FBXL14: variants seen among roughly 807,000 people sequenced by gnomAD.
The protein encoded by FBXL14 is F-box and leucine rich repeat protein 14, also known as F-box/LRR-repeat protein 14.
A neutral mutation model predicts 24.5 loss-of-function variants in FBXL14; 11 were observed. That is an observed-to-expected ratio of 0.45 (90% CI 0.28 to 0.74). The LOEUF is 0.74. FBXL14 is among the 30% of genes least tolerant of loss of function. The pLI is 0.12. For missense variants in FBXL14, 384 were observed against 545.6 expected, an observed-to-expected ratio of 0.70 and a Z score of 2.95; for synonymous variants, 294 against 240.4, an observed-to-expected ratio of 1.22 and a Z score of -2.06.
chr12:1,569,397 C>CT lies in FBXL14; in HGVS notation c.1195-2588dup, dbSNP rs35122636. On this transcript the variant is annotated intron_variant, in intron 1 of 1. Coordinates refer to ENST00000339235, the MANE Select transcript of FBXL14 (RefSeq NM_152441.3). This position sits in a 1 kb window ranked among gnomAD's most constrained non-coding sequence, Gnocchi z 4.2. The stretch of plus-strand genomic sequence containing the variant: ...ATGCTAAATAAGAAACCACTTCGTT[C>CT]TTTTTTTTTTTTTTTTTGTCTGAGA... 0.02 allele frequency among the ~76,000 whole-genome samples: 2,750 copies of CT among 134,912 alleles called. 78 individuals carry two copies. Among genetic ancestry groups the CT allele is most frequent in the African/African-American group, 0.062 (2,285 of 36,690 alleles). 88.5% of individuals were successfully genotyped at this position (134,912 alleles called of 152,430 possible).
chr12:1,594,052 G>C lies in FBXL14; in HGVS notation c.15C>G (p.Ile5Met). The change falls in exon 1 of 2, where the codon ATC becomes ATG. Residue 5 changes from isoleucine (I) to methionine (M), a missense_variant. Transcript: ENST00000339235. METH[I>M]SCLFPELLAM... is the part of the protein sequence containing the mutation. ...CCAGCAGCTCCGGGAACAGGCATGAGATGTGGGTCTCCATCTTCCTCCTCC... is the reference window on the plus strand; with the variant it reads ...CCAGCAGCTCCGGGAACAGGCATGACATGTGGGTCTCCATCTTCCTCCTCC... The C allele has an allele frequency of 6.6e-7, 1 of 1,512,860 alleles. No homozygotes were observed. The highest frequency in any genetic ancestry group is 8.8e-7 in the Non-Finnish European group (1 of 1,139,346). 93.7% of individuals were successfully genotyped at this position (1,512,860 alleles called of 1,614,324 possible). A position where few individuals can be genotyped will look rare whatever the true frequency, so the allele number is the denominator to read the frequency against.
intron 1 of FBXL14, among the ~76,000 whole-genome samples, chr12:1,582,206 A>G (rs2094467825): frequency 6.6e-6 from 1 of 151,904 alleles, no homozygotes; most frequent in African/African-American, 2.4e-5. Flanking sequence ...GGAAGAAAGA[A>G]AGAGAAAGAA....
intron 1 of FBXL14, among the ~76,000 whole-genome samples, chr12:1,577,010 G>A (rs555733429): frequency 2.6e-4 from 39 of 152,282 alleles, no homozygotes; most frequent in African/African-American, 8.4e-4. Flanking sequence ...TCTTAAAGTC[G>A]TCTTAGCTGT....
intron 1 of FBXL14, among the ~76,000 whole-genome samples, chr12:1,591,731 C>T (rs11061870): frequency 4.6e-5 from 7 of 152,206 alleles, no homozygotes; most frequent in African/African-American, 1.4e-4. Context: ...AAGATATGAG[C>T]TTCATCACAG....
intron 1 of FBXL14, among the ~76,000 whole-genome samples, chr12:1,591,460 T>C (rs1487048493): frequency 1.3e-5 from 2 of 152,116 alleles, no homozygotes; most frequent in Non-Finnish European, 2.9e-5. Context: ...TTTGTTATTA[T>C]TTATACAAAT....
intron 1 of FBXL14, among the ~76,000 whole-genome samples, chr12:1,578,798 C>G (rs776510833): frequency 6.6e-6 from 1 of 152,088 alleles, no homozygotes; most frequent in Non-Finnish European, 1.5e-5. Context: ...GGGGCGGCTT[C>G]GGAGCAGCTC....
chr12:1,572,914 C>A (rs1796979522), intron 1 of FBXL14, among the ~76,000 whole-genome samples: 1 of 152,142 alleles, frequency 6.6e-6, no homozygotes, highest in African/African-American at 2.4e-5. Flanking sequence ...AGAGCTGGGA[C>A]AATCCTTTGG....
chr12:1,592,390 G>T (rs1380767292), intron 1 of FBXL14, among the ~76,000 whole-genome samples: 1 of 151,988 alleles, frequency 6.6e-6, no homozygotes, highest in Admixed American at 6.6e-5. Flanking sequence ...CAAAGTGGAA[G>T]GGTGAAAAGG....
intron 1 of FBXL14, among the ~76,000 whole-genome samples, chr12:1,573,404 A>G (rs925713566): frequency 2.0e-5 from 3 of 152,200 alleles, no homozygotes; most frequent in African/African-American, 7.2e-5. Context: ...CTCAGCCCCT[A>G]TCACAGGACA....
At position 1,567,539 on chromosome 12, in the gene FBXL14, T is replaced by C. The variant is rs1002688005; in HGVS notation, c.1195-729A>G. Among the ~76,000 whole-genome samples, 2 of 151,852 alleles carry C rather than the reference T, an allele frequency of 1.3e-5. No individual in the cohort carries two copies. The highest frequency in any genetic ancestry group is 2.9e-5 in the Non-Finnish European group (2 of 67,972). Reference sequence around the variant, plus strand: ...GAAATAAGAATCAAATAACACATGTTGAAGGGACAGAGCAAGCTTCACAAC... The same window carrying C: ...GAAATAAGAATCAAATAACACATGTCGAAGGGACAGAGCAAGCTTCACAAC... On this transcript the variant is annotated intron_variant, in intron 1 of 1. Transcript: ENST00000339235. This position sits in a 1 kb window ranked among gnomAD's most constrained non-coding sequence, Gnocchi z 4.8.
intron 1 of FBXL14, among the ~76,000 whole-genome samples, chr12:1,590,867 C>G (rs929841712): frequency 6.6e-6 from 1 of 152,166 alleles, no homozygotes; most frequent in African/African-American, 2.4e-5. Context: ...AAGGACAGCG[C>G]TCTTTTAACT....
intron 1 of FBXL14, among the ~76,000 whole-genome samples, chr12:1,590,283 C>T (rs2094486586): frequency 6.6e-6 from 1 of 152,122 alleles, no homozygotes; most frequent in African/African-American, 2.4e-5. Flanking sequence ...AGGAACAATG[C>T]GGCTTTTGTG....
chr12:1,588,094 T>A lies in FBXL14; in HGVS notation c.1194+4779A>T, dbSNP rs73030988. ...TCAGAGGCCAGGGCTTTCCCTTTCA[T>A]AGAACTGGGAAGAGACAGTTGTCAG... On this transcript the variant is annotated intron_variant, in intron 1 of 1. Coordinates refer to ENST00000339235, the MANE Select transcript of FBXL14 (RefSeq NM_152441.3). 7.5e-3 allele frequency among the ~76,000 whole-genome samples: 1,136 copies of A among 152,346 alleles called. 12 individuals carry two copies. The highest frequency in any genetic ancestry group is 0.011 in the Non-Finnish European group (768 of 68,032).
rs1200607603 is a variant in FBXL14 at position 1,567,344 on chromosome 12, T to G, written c.1195-534A>C. Among the ~76,000 whole-genome samples, 1 of 151,716 alleles carries G rather than the reference T, an allele frequency of 6.6e-6. No individual in the cohort carries two copies. Among genetic ancestry groups the G allele is most frequent in the South Asian group, 2.1e-4 (1 of 4,800 alleles). On this transcript the variant is annotated intron_variant, in intron 1 of 1. Transcript: ENST00000339235. This position sits in a 1 kb window ranked among gnomAD's most constrained non-coding sequence, Gnocchi z 4.8. ...AAAGGAAAAGAAAGAAAAGAAAAATTAGCTGGGCGTGGTGGCAAGCACCTG... is the reference window on the plus strand; with the variant it reads ...AAAGGAAAAGAAAGAAAAGAAAAATGAGCTGGGCGTGGTGGCAAGCACCTG...
Position 1,582,678 on chromosome 12 carries a change from A to G in FBXL14, c.1194+10195T>C, listed in dbSNP as rs566939108. Among the ~76,000 whole-genome samples the G allele has an allele frequency of 1.6e-4, 25 of 152,134 alleles. No individual in the cohort carries two copies. In the South Asian group the frequency reaches 4.8e-3, roughly 29 times the overall value. On this transcript the variant is annotated intron_variant, in intron 1 of 1. Coordinates refer to ENST00000339235, the MANE Select transcript of FBXL14 (RefSeq NM_152441.3). ...AAGTCCCTGAAACTTTTCCTTTTTT[A>G]TTTATTCTCTAACCAAAAATGACGT...
chr12:1,591,497 AG>A (rs1254047268), intron 1 of FBXL14, among the ~76,000 whole-genome samples: 1 of 152,164 alleles, frequency 6.6e-6, no homozygotes, highest in Non-Finnish European at 1.5e-5. Flanking sequence ...TAATTGATAA[AG>A]GTCTCTGGGT....
At chr12:1,588,056 A>G (rs564605316) in intron 1 of FBXL14, among the ~76,000 whole-genome samples, 12 of 152,366 alleles carry the variant, frequency 7.9e-5, no homozygotes, top group African/African-American at 2.9e-4. Flanking sequence ...TCTACCGCAG[A>G]ACACAGCAGA....
chr12:1,578,105 C>T (rs1187070358), intron 1 of FBXL14, among the ~76,000 whole-genome samples: 1 of 152,084 alleles, frequency 6.6e-6, no homozygotes, highest in East Asian at 1.9e-4. Context: ...TGTTTTTAGG[C>T]CTTGAACAAA....
At chr12:1,581,199 G>C (rs529534907) in intron 1 of FBXL14, among the ~76,000 whole-genome samples, 2 of 146,366 alleles carry the variant, frequency 1.4e-5, no homozygotes, top group Admixed American at 6.8e-5. Context: ...ATGGGCGAAT[G>C]GACACCTTTA....
Sources: gnomAD v4.1 joint callset for allele counts (sites outside exome capture counted in the v4.1 genomes callset) on GRCh38, gnomAD v4.1.1 for gene constraint, Gnocchi (gnomAD v3.1) non-coding constraint, MANE v1.5 for transcripts, NCBI Gene and HGNC (gene_info 2026-07-23, HGNC 2026-07-21) for gene names.